VAV1: variants seen among roughly 807,000 people sequenced by gnomAD.
VAV1 encodes the protein proto-oncogene vav.
In VAV1, 33 loss-of-function variants were observed where a neutral mutation model predicts 128.1. The observed-to-expected ratio is 0.26, with a 90% CI of 0.20 to 0.34. The LOEUF is 0.34. VAV1 is among the 10% of genes least tolerant of loss of function. The probability of loss-of-function intolerance (pLI) is 1.00; values close to 1 mark genes in which losing one functional copy is unlikely to be tolerated. For synonymous variants in VAV1, 394 were observed against 409.8 expected (o/e 0.96, Z 0.47); for missense variants, 715 against 1,093.7 (o/e 0.65, Z 4.88).
At chr19:6,835,633 A>G (rs1972203202) in intron 19 of VAV1, among the ~76,000 whole-genome samples, 1 of 152,226 alleles carries the variant, frequency 6.6e-6, no homozygotes. Context: ...ATCATACAGT[A>G]CATGCTTATT....
In VAV1 at chr19:6,844,665, G is replaced by A. The variant is rs186733357; in HGVS notation, c.2012+1499G>A. Among the ~76,000 whole-genome samples the A allele has an allele frequency of 2.7e-4, 41 of 152,218 alleles. No individual in the cohort carries two copies. In the East Asian group the frequency reaches 7.2e-3, roughly 27 times the overall value. On this transcript the variant is annotated intron_variant, in intron 22 of 26. Transcript: ENST00000602142. ...ACCAGTTGCCGAGGTCTTAGAACAC[G>A]TAAGAGGCAGGGTCAGGATTTGAAT... is the stretch of plus-strand genomic sequence containing the variant.
intron 1 of VAV1, among the ~76,000 whole-genome samples, chr19:6,774,228 C>T (rs890872931): frequency 2.6e-5 from 4 of 151,936 alleles, no homozygotes; most frequent in African/African-American, 7.3e-5. Flanking sequence ...CCCAGGTTCA[C>T]GTCATTCTCC....
intron 22 of VAV1, 151 bp downstream of exon 22, chr19:6,843,317 G>A (rs1438195605): frequency 3.4e-6 from 3 of 882,062 alleles, no homozygotes; most frequent in Non-Finnish European, 5.4e-6. Flanking sequence ...GGGGGCTGCT[G>A]GGGATGGGAC....
chr19:6,804,430 A>G (rs986074604), intron 1 of VAV1, among the ~76,000 whole-genome samples: 13 of 151,824 alleles, frequency 8.6e-5, no homozygotes, highest in African/African-American at 3.1e-4. Context: ...TTATTTATTT[A>G]TTTAGAGACA....
chr19:6,818,339 C>G (rs542725681), intron 1 of VAV1, among the ~76,000 whole-genome samples: 1 of 152,188 alleles, frequency 6.6e-6, no homozygotes, highest in African/African-American at 2.4e-5. Context: ...CAAAGTACCA[C>G]GAGCTTGGAG....
At chr19:6,807,762 G>A (rs1054477986) in intron 1 of VAV1, among the ~76,000 whole-genome samples, 1 of 151,908 alleles carries the variant, frequency 6.6e-6, no homozygotes, top group Non-Finnish European at 1.5e-5. Flanking sequence ...GGAGGCCAAG[G>A]TGGGCAGATC....
At chr19:6,812,505 CA>C (rs1381513629) in intron 1 of VAV1, among the ~76,000 whole-genome samples, 1 of 151,984 alleles carries the variant, frequency 6.6e-6, no homozygotes, top group Non-Finnish European at 1.5e-5. Context: ...AAAGAAAATA[CA>C]AAAATTAGCA....
intron 1 of VAV1, among the ~76,000 whole-genome samples, chr19:6,787,565 C>T (rs921420219): frequency 6.8e-6 from 1 of 148,008 alleles, no homozygotes; most frequent in Non-Finnish European, 1.5e-5. Flanking sequence ...GGGTGACCAA[C>T]TACTCCAGAT....
chr19:6,821,955 G>A (rs1161556040), intron 4 of VAV1, 96 bp downstream of exon 4: 9 of 1,516,674 alleles, frequency 5.9e-6, no homozygotes, highest in African/African-American at 1.4e-5. Flanking sequence ...GGGAAATAAG[G>A]TCATACCCTG....
In VAV1 at chr19:6,826,204, G is replaced by A. The variant is rs1971914027; in HGVS notation, c.828-408G>A. Reference sequence around the variant, plus strand: ...AATACAAAAATTAGCCAGGCATGGTGGCAGGTGTCTGTAATCCCAGCTACT... The same window carrying A: ...AATACAAAAATTAGCCAGGCATGGTAGCAGGTGTCTGTAATCCCAGCTACT... On this transcript the variant is annotated intron_variant, in intron 8 of 26. Transcript: ENST00000602142. This position sits in a 1 kb window ranked among gnomAD's most constrained non-coding sequence, Gnocchi z 4.1. 2.6e-5 allele frequency among the ~76,000 whole-genome samples: 4 copies of A among 151,786 alleles called. No individual in the cohort carries two copies. The highest frequency in any genetic ancestry group is 2.6e-4 in the Admixed American group (4 of 15,232).
intron 26 of VAV1, 129 bp from the exon 27 acceptor site, chr19:6,856,924 GT>G: frequency 2.7e-6 from 2 of 747,162 alleles, no homozygotes; most frequent in Non-Finnish European, 4.7e-6. Context: ...TGGGTGATGT[GT>G]TTTCTGGGAT....
In VAV1 at chr19:6,814,671, CCTTT is replaced by C. The variant is rs71177121; in HGVS notation, c.205-5973_205-5970del. Among the ~76,000 whole-genome samples, 168 of 25,792 alleles carry C rather than the reference CCTTT, an allele frequency of 6.5e-3. 1 individual carries two copies. Among genetic ancestry groups the C allele is most frequent in the Non-Finnish European group, 7.7e-3 (109 of 14,140 alleles). The allele number at this position is 25,792 out of a possible 152,430, so 16.9% of individuals were successfully genotyped here. ...TCCTTCCTTCCTTCCTTCCTTCCTT[CCTTT>C]CTTTCTTTCTTTCTTTCTTTCTTTC... On this transcript the variant is annotated intron_variant, in intron 1 of 26. Coordinates refer to ENST00000602142, the MANE Select transcript of VAV1 (RefSeq NM_005428.4).
intron 1 of VAV1, among the ~76,000 whole-genome samples, chr19:6,787,356 A>G (rs1373975786): frequency 2.0e-5 from 3 of 152,052 alleles, no homozygotes; most frequent in East Asian, 1.9e-4. Flanking sequence ...TTGTATTTTT[A>G]GTAGAGATGG....
Position 6,826,645 on chromosome 19 carries a change from G to A in VAV1, c.861G>A (p.Val287=). 6.4e-7 allele frequency: 1 copy of A among 1,560,954 alleles called. No homozygotes were observed. The change falls in exon 9 of 27, where the codon GTG becomes GTA. Residue 287 remains valine (V), a synonymous_variant. Coordinates refer to ENST00000602142, the MANE Select transcript of VAV1 (RefSeq NM_005428.4). The surrounding 1 kb of genome is among the most constrained non-coding windows in gnomAD (Gnocchi z 4.1). ...FLVYGRYCSQ[V]ESASKHLDRV... ...TCTATGGCCGCTACTGCAGCCAGGTGGAGTCAGCCAGCAAACACCTGGACC... is the reference window on the plus strand; with the variant it reads ...TCTATGGCCGCTACTGCAGCCAGGTAGAGTCAGCCAGCAAACACCTGGACC...
chr19:6,825,142 C>A, intron 7 of VAV1, 21 bp downstream of exon 7: 2 of 1,608,334 alleles, frequency 1.2e-6, no homozygotes, highest in South Asian at 1.1e-5. Flanking sequence ...CGATCCCCAG[C>A]CCTCTTGGGT....
intron 24 of VAV1, among the ~76,000 whole-genome samples, chr19:6,851,351 AATT>A: frequency 6.6e-6 from 1 of 151,928 alleles, no homozygotes; most frequent in South Asian, 2.1e-4. Context: ...TTTAAAAAAA[AATT>A]TTTTTTTTGT....
chr19:6,783,331 T>C (rs1280066877), intron 1 of VAV1, among the ~76,000 whole-genome samples: 1 of 152,186 alleles, frequency 6.6e-6, no homozygotes, highest in African/African-American at 2.4e-5. Context: ...CTCTATGTTA[T>C]AGAGTCTCTC....
intron 1 of VAV1, among the ~76,000 whole-genome samples, chr19:6,781,105 G>T (rs1274642629): frequency 6.6e-6 from 1 of 151,890 alleles, no homozygotes; most frequent in East Asian, 1.9e-4. Context: ...GTCTCACCAT[G>T]TTGCCCAGGC....
At chr19:6,821,914 G>A in intron 4 of VAV1, 55 bp downstream of exon 4, 1 of 1,608,956 alleles carries the variant, frequency 6.2e-7, no homozygotes, top group Admixed American at 1.7e-5. Flanking sequence ...CCTGGGGGTG[G>A]AGGGTGTGGG....
Sources: allele counts gnomAD v4.1 joint callset (sites outside exome capture counted in the v4.1 genomes callset), GRCh38; gene constraint gnomAD v4.1.1; non-coding constraint Gnocchi (gnomAD v3.1); transcripts MANE v1.5; gene names NCBI Gene and HGNC (gene_info 2026-07-23, HGNC 2026-07-21).